The following YME1L1 variants were observed in gnomAD, a reference collection of about 807,000 sequenced individuals.
YME1L1 encodes the protein ATP-dependent zinc metalloprotease YME1L1.
In YME1L1, 39 loss-of-function variants were observed where a neutral mutation model predicts 90.4. That is an observed-to-expected ratio of 0.43 (90% CI 0.33 to 0.56). The LOEUF is 0.56. Among genes scored for constraint, YME1L1 ranks in the 20% least tolerant of loss-of-function variants. The pLI is 0.03. For missense variants in YME1L1, 617 were observed against 868.4 expected, an observed-to-expected ratio of 0.71 and a Z score of 3.64; for synonymous variants, 284 against 287.3, an observed-to-expected ratio of 0.99 and a Z score of 0.12.
At chr10:27,149,238 A>G (rs188013913) in intron 1 of YME1L1, among the ~76,000 whole-genome samples, 198 bp from the exon 2 acceptor site, 115 of 152,332 alleles carry the variant, frequency 7.5e-4, no homozygotes, top group African/African-American at 2.7e-3. Flanking sequence ...CTGAATATGT[A>G]AATCAAAAGT....
intron 18 of YME1L1, among the ~76,000 whole-genome samples, chr10:27,113,604 G>A (rs183324321): frequency 9.7e-4 from 146 of 150,914 alleles, no homozygotes; most frequent in African/African-American, 3.4e-3. Flanking sequence ...CCCAGAAGGC[G>A]GAAGTTGCAA....
Position 27,136,483 on chromosome 10 carries a change from GTCTA to G in YME1L1, c.431-102_431-99del, listed in dbSNP as rs985147006. The G allele has an allele frequency of 7.3e-6, 7 of 953,310 alleles. No individual in the cohort carries two copies. In the African/African-American group the frequency reaches 1.0e-4, roughly 14 times the overall value. 59.1% of individuals were successfully genotyped at this position (953,310 alleles called of 1,614,324 possible). A position where few individuals can be genotyped will look rare whatever the true frequency, so the allele number is the denominator to read the frequency against. On this transcript the variant is annotated intron_variant, in intron 4 of 18. Coordinates refer to ENST00000376016, the MANE Select transcript of YME1L1 (RefSeq NM_014263.4). ...TCTGACACCCTACCTGTATATCCTA[GTCTA>G]TCTAATTTGCCTGACACTTCAATAC...
intron 1 of YME1L1, among the ~76,000 whole-genome samples, chr10:27,151,215 C>A (rs11015574): frequency 0.012 from 1,821 of 152,282 alleles, 22 homozygotes; most frequent in South Asian, 0.033. Context: ...AGTCCCCGCG[C>A]CTGGCGACTC....
intron 3 of YME1L1, among the ~76,000 whole-genome samples, chr10:27,144,075 T>C (rs193297033): frequency 3.9e-4 from 59 of 152,276 alleles, no homozygotes; most frequent in Admixed American, 3.8e-3. Flanking sequence ...TCCCTTAGCA[T>C]CCAGTCAAAA....
rs139799744 is a variant in YME1L1 at position 27,111,624 on chromosome 10, G to A, written c.*353C>T. 366 of 332,794 alleles carry A rather than the reference G, an allele frequency of 1.1e-3. 2 individuals carry two copies. Among genetic ancestry groups the A allele is most frequent in the African/African-American group, 7.4e-3 (345 of 46,740 alleles). 20.6% of individuals were successfully genotyped at this position (332,794 alleles called of 1,614,324 possible). A position where few individuals can be genotyped will look rare whatever the true frequency, so the allele number is the denominator to read the frequency against. On this transcript the variant is annotated 3_prime_UTR_variant, in exon 19 of 19. Transcript: ENST00000376016. ...TACTGCATCTTAAGTTTCCACTGAT[G>A]TATATAGAAGGCTAAAGGCACAATT...
intron 1 of YME1L1, among the ~76,000 whole-genome samples, chr10:27,152,569 CAA>C (rs1302065337): frequency 7.2e-5 from 11 of 152,172 alleles, no homozygotes; most frequent in East Asian, 5.8e-4. Flanking sequence ...TGAACTAAGG[CAA>C]AGAGTTGAGT....
At chr10:27,114,497 A>G (rs1466081771) in intron 18 of YME1L1, 24 bp downstream of exon 18, 1 of 1,590,092 alleles carries the variant, frequency 6.3e-7, no homozygotes, top group Non-Finnish European at 8.6e-7. Flanking sequence ...TAAGAAAATA[A>G]ATAAGCACAA....
rs980555826 is a variant in YME1L1 at position 27,110,658 on chromosome 10, C to T, written c.*1319G>A. 7.9e-5 allele frequency: 12 copies of T among 152,234 alleles called. No homozygotes were observed. Among genetic ancestry groups the T allele is most frequent in the Non-Finnish European group, 1.0e-4 (7 of 68,020 alleles). The allele number at this position is 152,234 out of a possible 1,614,324, so 9.4% of individuals were successfully genotyped here. On this transcript the variant is annotated 3_prime_UTR_variant, in exon 19 of 19. Coordinates refer to ENST00000376016, the MANE Select transcript of YME1L1 (RefSeq NM_014263.4). ...TTCTGACGCAGGGTAACACAAAGTT[C>T]ACTTCGGAGGGGACTGAGATTTTTG...
intron 8 of YME1L1, among the ~76,000 whole-genome samples, chr10:27,128,113 T>C: frequency 6.6e-6 from 1 of 152,172 alleles, no homozygotes; most frequent in Non-Finnish European, 1.5e-5. Context: ...ATCAAGGTAA[T>C]GAATCAAGTT....
intron 9 of YME1L1, among the ~76,000 whole-genome samples, chr10:27,125,638 C>T (rs1388396127): frequency 1.5e-5 from 2 of 131,678 alleles, no homozygotes. Context: ...TGTTAAATGT[C>T]CTATTTTTTT....
chr10:27,118,485 G>A (rs774691847), intron 14 of YME1L1, among the ~76,000 whole-genome samples: 4 of 151,804 alleles, frequency 2.6e-5, no homozygotes, highest in Non-Finnish European at 5.9e-5. Flanking sequence ...GTCTTGCTAT[G>A]TTGCCCAGCT....
chr10:27,127,515 T>C (rs894028575), intron 8 of YME1L1, among the ~76,000 whole-genome samples: 5 of 152,208 alleles, frequency 3.3e-5, no homozygotes, highest in African/African-American at 9.6e-5. Context: ...CACCGTGTTG[T>C]AGTATTCTTA....
At chr10:27,115,236 G>A (rs1487658497) in intron 17 of YME1L1, among the ~76,000 whole-genome samples, 2 of 151,928 alleles carry the variant, frequency 1.3e-5, no homozygotes, top group Non-Finnish European at 2.9e-5. Flanking sequence ...CTGGGCAACA[G>A]AGCAAGACTC....
intron 8 of YME1L1, among the ~76,000 whole-genome samples, chr10:27,127,565 C>T (rs2135863046): frequency 6.6e-6 from 1 of 152,302 alleles, no homozygotes; most frequent in East Asian, 1.9e-4. Context: ...TAAACCTCAA[C>T]TCCAAGTAAC....
At chr10:27,137,302 T>C (rs573455460) in intron 4 of YME1L1, among the ~76,000 whole-genome samples, 9 of 152,334 alleles carry the variant, frequency 5.9e-5, no homozygotes, top group Non-Finnish European at 1.3e-4. Context: ...TGCATATTTT[T>C]CAGAACAGAA....
chr10:27,146,730 G>A (rs2057147402), intron 2 of YME1L1: 2 of 152,180 alleles, frequency 1.3e-5, no homozygotes, highest in East Asian at 3.9e-4. Flanking sequence ...TAAAAATAAA[G>A]TTTTTTTTAA....
chr10:27,136,848 C>T (rs1434718507), intron 4 of YME1L1, among the ~76,000 whole-genome samples: 3 of 152,070 alleles, frequency 2.0e-5, no homozygotes, highest in African/African-American at 7.2e-5. Flanking sequence ...GCCTCAGCCT[C>T]CTAACCTCAG....
At chr10:27,129,633 T>C (rs1015995328) in intron 8 of YME1L1, among the ~76,000 whole-genome samples, 7 of 152,008 alleles carry the variant, frequency 4.6e-5, no homozygotes, top group African/African-American at 1.7e-4. Flanking sequence ...AAATCAAATG[T>C]AATAGAGCAG....
intron 18 of YME1L1, among the ~76,000 whole-genome samples, chr10:27,112,717 A>AT (rs373250991): frequency 5.4e-5 from 8 of 149,316 alleles, no homozygotes; most frequent in Non-Finnish European, 7.4e-5. Flanking sequence ...CTCTCTCTCT[A>AT]TTTTTTTTTC....
Sources: gnomAD v4.1 joint callset for allele counts (sites outside exome capture counted in the v4.1 genomes callset) on GRCh38, gnomAD v4.1.1 for gene constraint, MANE v1.5 for transcripts, NCBI Gene and HGNC (gene_info 2026-07-23, HGNC 2026-07-21) for gene names.